The following PDE4B variants were observed in gnomAD, a reference collection of about 807,000 sequenced individuals.
PDE4B encodes the protein phosphodiesterase 4B, also known as 3',5'-cyclic-AMP phosphodiesterase 4B.
A neutral mutation model predicts 82.2 loss-of-function variants in PDE4B; 20 were observed. The ratio of observed to expected loss-of-function variants is 0.24; its 90% CI spans 0.17 to 0.35. The LOEUF (loss-of-function observed/expected upper bound fraction) is 0.35, where lower values mean the gene tolerates loss of function less well. PDE4B is among the 10% of genes least tolerant of loss of function. The pLI, the probability that PDE4B is intolerant of heterozygous loss-of-function variation, is 1.00. For synonymous variants in PDE4B, 320 were observed against 318.9 expected, an observed-to-expected ratio of 1.00 and a Z score of -0.04; for missense variants, 655 against 907.2, an observed-to-expected ratio of 0.72 and a Z score of 3.57.
chr1:66,182,545 G>A (rs1647091313), intron 3 of PDE4B, among the ~76,000 whole-genome samples: 1 of 152,096 alleles, frequency 6.6e-6, no homozygotes, highest in South Asian at 2.1e-4. Flanking sequence ...TCTAATTGCA[G>A]CTTTTACTGC....
intron 1 of PDE4B, among the ~76,000 whole-genome samples, chr1:65,809,387 A>G (rs1219857386): frequency 1.3e-5 from 2 of 151,682 alleles, no homozygotes; most frequent in African/African-American, 2.4e-5. Context: ...CAGAAGATGC[A>G]TCAAAAACAA....
chr1:66,152,619 T>A (rs764174528), intron 3 of PDE4B: 6 of 100,440 alleles, frequency 6.0e-5, no homozygotes, highest in Admixed American at 2.4e-4. Flanking sequence ...CATATATATA[T>A]TTATATATGT....
intron 3 of PDE4B, among the ~76,000 whole-genome samples, chr1:66,039,173 G>A (rs554009403): frequency 2.0e-5 from 3 of 151,806 alleles, no homozygotes; most frequent in Non-Finnish European, 2.9e-5. Flanking sequence ...GGAAAATATT[G>A]GACACACAAT....
chr1:66,075,705 T>G (rs374089907), intron 3 of PDE4B, among the ~76,000 whole-genome samples: 1 of 152,064 alleles, frequency 6.6e-6, no homozygotes, highest in East Asian at 1.9e-4. Flanking sequence ...CTGCCTCAAG[T>G]TGGTCTCTGG....
Position 65,885,917 on chromosome 1 carries a change from G to C in PDE4B, c.-70-27328G>C, listed in dbSNP as rs1011029633. Reference sequence around the variant, plus strand: ...ATAATAGCATCCCTTGCTGTGTTAAGAATTCTGTAGATCTGTGCTGGCTAA... The same window carrying C: ...ATAATAGCATCCCTTGCTGTGTTAACAATTCTGTAGATCTGTGCTGGCTAA... On this transcript the variant is annotated intron_variant, in intron 1 of 16. Coordinates refer to ENST00000341517, the MANE Select transcript of PDE4B (RefSeq NM_002600.4). 6.0e-5 allele frequency among the ~76,000 whole-genome samples: 9 copies of C among 149,716 alleles called. No homozygotes were observed. The South Asian group carries it at 8.4e-4, about 14-fold the overall frequency.
intron 6 of PDE4B, 134 bp from the exon 7 acceptor site, chr1:66,265,904 G>A (rs752234684): frequency 1.5e-5 from 10 of 682,730 alleles, no homozygotes; most frequent in Non-Finnish European, 2.4e-5. Flanking sequence ...CTTGCCTTCC[G>A]GAGATGGCAT....
chr1:66,174,188 A>G (rs907587547), intron 3 of PDE4B, among the ~76,000 whole-genome samples: 8 of 152,210 alleles, frequency 5.3e-5, no homozygotes, highest in African/African-American at 1.7e-4. Context: ...ATTTTCAATT[A>G]CACCACGTCA....
At chr1:65,861,919 A>G (rs1216053802) in intron 1 of PDE4B, among the ~76,000 whole-genome samples, 2 of 152,086 alleles carry the variant, frequency 1.3e-5, no homozygotes, top group Non-Finnish European at 2.9e-5. Flanking sequence ...GATGTTTCTG[A>G]TGTTGCTTAT....
At chr1:66,332,270 G>A (rs1029960694) in intron 7 of PDE4B, 47 of 1,488,758 alleles carry the variant, frequency 3.2e-5, no homozygotes, top group African/African-American at 1.4e-4. Context: ...GTAGATCACC[G>A]ACACCTCATC....
At chr1:66,202,512 T>G (rs1183285539) in intron 3 of PDE4B, among the ~76,000 whole-genome samples, 1 of 152,210 alleles carries the variant, frequency 6.6e-6, no homozygotes, top group Non-Finnish European at 1.5e-5. Context: ...CAGGACTTGC[T>G]TTATGAATCT....
intron 3 of PDE4B, among the ~76,000 whole-genome samples, chr1:66,200,778 C>T (rs1375285098): frequency 1.3e-5 from 2 of 152,178 alleles, no homozygotes; most frequent in Non-Finnish European, 2.9e-5. Flanking sequence ...GATATACAAT[C>T]ATGTCATCTG....
chr1:65,904,261 A>G (rs973103836), intron 1 of PDE4B, among the ~76,000 whole-genome samples: 7 of 152,176 alleles, frequency 4.6e-5, no homozygotes, highest in Non-Finnish European at 1.0e-4. Flanking sequence ...GAGACATAGC[A>G]CTTGTGAATG....
chr1:65,875,153 A>T (rs202099996), intron 1 of PDE4B, among the ~76,000 whole-genome samples: 5 of 152,144 alleles, frequency 3.3e-5, no homozygotes, highest in African/African-American at 1.2e-4. Flanking sequence ...CATGAACAGA[A>T]ACTTCTCAAA....
intron 3 of PDE4B, among the ~76,000 whole-genome samples, chr1:66,201,162 A>T (rs181933536): frequency 2.0e-5 from 3 of 152,310 alleles, no homozygotes; most frequent in Non-Finnish European, 2.9e-5. Flanking sequence ...TGATTTGTGC[A>T]TGTTGAGCCA....
At chr1:66,184,485 A>G (rs17128495) in intron 3 of PDE4B, among the ~76,000 whole-genome samples, 3,863 of 152,314 alleles carry the variant, frequency 0.025, 69 homozygotes, top group Middle Eastern at 0.095. Flanking sequence ...ACCAAAAGCT[A>G]TGGGTTAGAA....
intron 3 of PDE4B, among the ~76,000 whole-genome samples, chr1:66,001,258 AC>A (rs2100709031): frequency 6.6e-6 from 1 of 152,210 alleles, no homozygotes; most frequent in African/African-American, 2.4e-5. Context: ...TACAATGAAC[AC>A]CTTTTACCTA....
chr1:66,291,062 A>C (rs1657039097), intron 7 of PDE4B, among the ~76,000 whole-genome samples: 3 of 152,140 alleles, frequency 2.0e-5, no homozygotes, highest in Admixed American at 2.0e-4. Context: ...ATAAATGAAG[A>C]AGGGATGCAA....
intron 3 of PDE4B, among the ~76,000 whole-genome samples, chr1:65,957,607 T>G (rs1283002040): frequency 6.6e-6 from 1 of 152,130 alleles, no homozygotes; most frequent in East Asian, 1.9e-4. Flanking sequence ...GTAATTGTAT[T>G]GAATTTAGAA....
At chr1:66,348,477 G>A (rs971026511) in intron 8 of PDE4B, among the ~76,000 whole-genome samples, 2 of 151,998 alleles carry the variant, frequency 1.3e-5, no homozygotes, top group African/African-American at 4.8e-5. Flanking sequence ...TGATGCTCCA[G>A]GAACAGTTTT....
Sources: gnomAD v4.1 joint callset for allele counts (sites outside exome capture counted in the v4.1 genomes callset) on GRCh38, gnomAD v4.1.1 for gene constraint, MANE v1.5 for transcripts, NCBI Gene and HGNC (gene_info 2026-07-23, HGNC 2026-07-21) for gene names.